TYR: variants seen among roughly 807,000 people sequenced by gnomAD.
TYR encodes the protein LB24-AB.
Under a neutral mutation model 51.5 loss-of-function variants are expected in TYR, and 58 were observed. The observed-to-expected ratio is 1.13, with a 90% CI of 0.91 to 1.40. The LOEUF is 1.40. Ranked by LOEUF, TYR falls within the 40% of genes most tolerant of loss-of-function variation. TYR has a pLI of 0.00. For synonymous variants in TYR, 263 were observed against 235.2 expected (o/e 1.12, Z -1.08); for missense variants, 732 against 647.4 (o/e 1.13, Z -1.42).
At chr11:89,262,095 G>A (rs1213504464) in intron 3 of TYR, among the ~76,000 whole-genome samples, 1 of 151,924 alleles carries the variant, frequency 6.6e-6, no homozygotes, top group Non-Finnish European at 1.5e-5. Context: ...TCTCACTCTT[G>A]TTGTCCAGGC....
rs1056949367 is a variant in TYR, at chr11:89,233,544, G to T, written c.1184+5574G>T. On this transcript the variant is annotated intron_variant, in intron 3 of 4. Coordinates refer to ENST00000263321, the MANE Select transcript of TYR (RefSeq NM_000372.5). ...ATCCATCAGAGGAATCACTATCTAT[G>T]GAATATATAGCCTTACAAAATATAC... Among the ~76,000 whole-genome samples, 3 of 139,908 alleles carry T rather than the reference G, an allele frequency of 2.1e-5. 1 individual carries two copies. The highest frequency in any genetic ancestry group is 4.6e-5 in the Non-Finnish European group (3 of 65,870). The allele number at this position is 139,908 out of a possible 152,430, so 91.8% of individuals were successfully genotyped here.
intron 4 of TYR, among the ~76,000 whole-genome samples, chr11:89,286,033 C>T (rs911205147): frequency 6.6e-6 from 1 of 151,810 alleles, no homozygotes; most frequent in Non-Finnish European, 1.5e-5. Flanking sequence ...TAGTTTCATA[C>T]CTGAAGAAGC....
chr11:89,195,306 A>T (rs1055061877), intron 2 of TYR, among the ~76,000 whole-genome samples: 8 of 152,166 alleles, frequency 5.3e-5, no homozygotes, highest in East Asian at 1.9e-4. Flanking sequence ...TGTCTACTGA[A>T]GTTATTTAAG....
At chr11:89,249,652 A>T (rs114736682) in intron 3 of TYR, among the ~76,000 whole-genome samples, 1,648 of 152,144 alleles carry the variant, frequency 0.011, 25 homozygotes, top group African/African-American at 0.035. Flanking sequence ...TCTAAACAAA[A>T]CTTTTGAAAA....
chr11:89,214,576 C>T (rs1265175828), intron 2 of TYR, among the ~76,000 whole-genome samples: 1 of 152,150 alleles, frequency 6.6e-6, no homozygotes, highest in Non-Finnish European at 1.5e-5. Context: ...AAGACACATG[C>T]ACGTGTATGT....
intron 3 of TYR, among the ~76,000 whole-genome samples, chr11:89,253,019 C>T (rs923571309): frequency 1.3e-5 from 2 of 151,760 alleles, no homozygotes; most frequent in African/African-American, 4.8e-5. Flanking sequence ...CTCTATATTA[C>T]ATGACTTTAT....
chr11:89,284,359 C>T (rs779600457), intron 3 of TYR, among the ~76,000 whole-genome samples: 5 of 151,740 alleles, frequency 3.3e-5, no homozygotes, highest in Non-Finnish European at 5.9e-5. Flanking sequence ...CCCACCAGAA[C>T]CAAAAAAATG....
intron 3 of TYR, among the ~76,000 whole-genome samples, chr11:89,249,123 G>A (rs1944302523): frequency 6.6e-6 from 1 of 152,022 alleles, no homozygotes; most frequent in African/African-American, 2.4e-5. Flanking sequence ...CCCGAAAGAG[G>A]CTGCCAAGTA....
At chr11:89,260,833 G>T (rs1174039971) in intron 3 of TYR, among the ~76,000 whole-genome samples, 1 of 152,090 alleles carries the variant, frequency 6.6e-6, no homozygotes, top group Non-Finnish European at 1.5e-5. Flanking sequence ...CAACCCCTGG[G>T]CCATGGGCTG....
intron 2 of TYR, among the ~76,000 whole-genome samples, chr11:89,204,562 T>C (rs1943646587): frequency 6.7e-6 from 1 of 148,636 alleles, no homozygotes; most frequent in Admixed American, 6.6e-5. Flanking sequence ...GCCCGGCTAA[T>C]TTTTTTTATA....
At chr11:89,209,420 C>T (rs920954202) in intron 2 of TYR, among the ~76,000 whole-genome samples, 10 of 152,070 alleles carry the variant, frequency 6.6e-5, no homozygotes, top group African/African-American at 9.7e-5. Context: ...CTTGAGTAGG[C>T]GATTCTATGC....
At chr11:89,255,194 A>G (rs1286011128) in intron 3 of TYR, among the ~76,000 whole-genome samples, 1 of 151,468 alleles carries the variant, frequency 6.6e-6, no homozygotes, top group Non-Finnish European at 1.5e-5. Flanking sequence ...TATAATTTCA[A>G]TTTTCTTAAA....
At chr11:89,194,298 A>T (rs765281314) in intron 2 of TYR, among the ~76,000 whole-genome samples, 5 of 152,084 alleles carry the variant, frequency 3.3e-5, no homozygotes, top group Non-Finnish European at 5.9e-5. Flanking sequence ...TCATGACTAG[A>T]TCCAGGTAAT....
chr11:89,263,461 A>G (rs1399018229), intron 3 of TYR, among the ~76,000 whole-genome samples: 1 of 152,090 alleles, frequency 6.6e-6, no homozygotes, highest in Admixed American at 6.6e-5. Context: ...GAACAAGGCA[A>G]AGATGTTTGC....
At chr11:89,201,825 T>C (rs1943602176) in intron 2 of TYR, among the ~76,000 whole-genome samples, 1 of 152,182 alleles carries the variant, frequency 6.6e-6, no homozygotes, top group Admixed American at 6.5e-5. Flanking sequence ...CAATAAAATA[T>C]TGGGATTGTA....
chr11:89,262,619 A>G (rs1944471095), intron 3 of TYR, among the ~76,000 whole-genome samples: 1 of 150,132 alleles, frequency 6.7e-6, no homozygotes, highest in Admixed American at 6.7e-5. Flanking sequence ...AAAAAAAAAA[A>G]AAGAAGATTC....
intron 3 of TYR, among the ~76,000 whole-genome samples, chr11:89,234,267 AAG>A (rs1360590576): frequency 7.0e-6 from 1 of 143,860 alleles, no homozygotes; most frequent in East Asian, 2.0e-4. Context: ...CCATAGGATT[AAG>A]AGAGTCAGAG....
In TYR at chr11:89,191,277, C is replaced by A. The variant is rs61754374; in HGVS notation, c.895C>A (p.Arg299Ser). The A allele has an allele frequency of 4.3e-6, 7 of 1,613,474 alleles. No homozygotes were observed. The East Asian group carries it at 1.1e-4, about 26-fold the overall frequency. ...CNGTPEGPLR[R>S]NPGNHDKSRT... The stretch of plus-strand genomic sequence containing the variant: ...TGGAACGCCCGAGGGACCTTTACGG[C>A]GTAATCCTGGAAACCATGACAAATC... Residue 299 changes from arginine (R) to serine (S), a missense_variant, in exon 2 of 5, where the codon CGT becomes AGT. By Grantham distance (110) the Arg-to-Ser change is moderately radical (BLOSUM62 -1). Coordinates refer to ENST00000263321, the MANE Select transcript of TYR (RefSeq NM_000372.5).
chr11:89,227,721 TG>T, intron 2 of TYR, 101 bp from the exon 3 acceptor site: 1 of 1,012,834 alleles, frequency 9.9e-7, no homozygotes, highest in Non-Finnish European at 1.5e-6. Flanking sequence ...TTTTATATTT[TG>T]AAACAGTCTT....
Sources: allele counts gnomAD v4.1 joint callset (sites outside exome capture counted in the v4.1 genomes callset), GRCh38; gene constraint gnomAD v4.1.1; transcripts MANE v1.5; gene names NCBI Gene and HGNC (gene_info 2026-07-23, HGNC 2026-07-21).